RSRC1: variants seen among roughly 807,000 people sequenced by gnomAD.
RSRC1 encodes the protein arginine and serine rich coiled-coil 1.
RSRC1 carries 39 observed loss-of-function variants against 49.1 expected under a neutral mutation model. The ratio of observed to expected loss-of-function variants is 0.79; its 90% CI spans 0.61 to 1.04. The LOEUF (loss-of-function observed/expected upper bound fraction) is 1.04. Among genes scored for constraint, RSRC1 ranks in the 50% least tolerant of loss-of-function variants. The pLI, the probability that RSRC1 is intolerant of heterozygous loss-of-function variation, is 0.00. For missense variants in RSRC1, 388 were observed against 402.4 expected, an observed-to-expected ratio of 0.96 and a Z score of 0.31; for synonymous variants, 143 against 130.8, an observed-to-expected ratio of 1.09 and a Z score of -0.63.
chr3:158,392,702 A>C (rs1733386133), intron 6 of RSRC1, among the ~76,000 whole-genome samples: 1 of 152,096 alleles, frequency 6.6e-6, no homozygotes, highest in African/African-American at 2.4e-5. Flanking sequence ...ATCTACAAAG[A>C]GACTTAGATA....
chr3:158,333,590 T>G (rs1202033251), intron 5 of RSRC1, among the ~76,000 whole-genome samples: 1 of 152,180 alleles, frequency 6.6e-6, no homozygotes, highest in Admixed American at 6.5e-5. Flanking sequence ...GGACAAAACA[T>G]ATTGTAAAAA....
intron 4 of RSRC1, among the ~76,000 whole-genome samples, chr3:158,248,438 TTAA>T (rs556653864): frequency 1.0e-3 from 159 of 152,298 alleles, no homozygotes; most frequent in Non-Finnish European, 1.6e-3. Flanking sequence ...CACTCACCTG[TTAA>T]TAAACAGTTG....
At chr3:158,409,424 T>G (rs1214573883) in intron 6 of RSRC1, among the ~76,000 whole-genome samples, 1 of 152,166 alleles carries the variant, frequency 6.6e-6, no homozygotes, top group Non-Finnish European at 1.5e-5. Context: ...ACATAATGTT[T>G]TGTTATATTT....
intron 5 of RSRC1, among the ~76,000 whole-genome samples, chr3:158,306,317 A>G (rs1727835042): frequency 1.3e-5 from 2 of 151,892 alleles, no homozygotes; most frequent in Admixed American, 1.3e-4. Context: ...CATACTATGT[A>G]TGGTATTTTA....
chr3:158,344,992 G>C (rs80334704), intron 5 of RSRC1, among the ~76,000 whole-genome samples: 1 of 152,244 alleles, frequency 6.6e-6, no homozygotes, highest in African/African-American at 2.4e-5. Context: ...GCCGAGGCTG[G>C]CGGATCGCCT....
At chr3:158,231,694 G>A (rs1722969786) in intron 4 of RSRC1, among the ~76,000 whole-genome samples, 1 of 152,068 alleles carries the variant, frequency 6.6e-6, no homozygotes, top group Admixed American at 6.6e-5. Context: ...GCAACAAGCA[G>A]TAATATATTA....
chr3:158,128,058 A>G (rs1246591280), intron 3 of RSRC1, among the ~76,000 whole-genome samples: 1 of 152,116 alleles, frequency 6.6e-6, no homozygotes, highest in Non-Finnish European at 1.5e-5. Context: ...TGTCTTTGGT[A>G]CTGCTGGCCC....
intron 6 of RSRC1, among the ~76,000 whole-genome samples, chr3:158,414,287 G>C (rs1300285168): frequency 6.6e-6 from 1 of 151,976 alleles, no homozygotes; most frequent in African/African-American, 2.4e-5. Flanking sequence ...ATCCTCAGCA[G>C]ACTAACACAG....
At chr3:158,502,496 C>A (rs978035377) in intron 7 of RSRC1, among the ~76,000 whole-genome samples, 2 of 152,144 alleles carry the variant, frequency 1.3e-5, no homozygotes, top group Non-Finnish European at 2.9e-5. Context: ...CTCAGAAACA[C>A]CAATTATTCT....
At chr3:158,137,493 A>G (rs1716451568) in intron 3 of RSRC1, among the ~76,000 whole-genome samples, 1 of 151,876 alleles carries the variant, frequency 6.6e-6, no homozygotes, top group Non-Finnish European at 1.5e-5. Flanking sequence ...AATCAGTTTT[A>G]AGGCTTTAAA....
At chr3:158,297,888 T>C in intron 4 of RSRC1, 151 bp from the exon 5 acceptor site, 1 of 602,498 alleles carries the variant, frequency 1.7e-6, no homozygotes, top group South Asian at 2.1e-5. Context: ...TCACTTTTGA[T>C]AAAAATTGTT....
At chr3:158,480,671 G>C (rs760574543) in intron 7 of RSRC1, among the ~76,000 whole-genome samples, 7 of 151,850 alleles carry the variant, frequency 4.6e-5, no homozygotes, top group Non-Finnish European at 1.0e-4. Context: ...ATTTTACCTT[G>C]AAAGTGACTA....
At chr3:158,145,777 T>A (rs1227277063) in intron 3 of RSRC1, among the ~76,000 whole-genome samples, 3 of 152,252 alleles carry the variant, frequency 2.0e-5, no homozygotes, top group Non-Finnish European at 2.9e-5. Flanking sequence ...TGGAATGTTC[T>A]TCCATTTGTT....
At chr3:158,431,948 C>G (rs1735789466) in intron 6 of RSRC1, among the ~76,000 whole-genome samples, 1 of 151,942 alleles carries the variant, frequency 6.6e-6, no homozygotes, top group Admixed American at 6.6e-5. Flanking sequence ...ATTGCTTTTT[C>G]ATCATTTCCA....
chr3:158,188,961 A>C (rs1720075076), intron 3 of RSRC1, among the ~76,000 whole-genome samples: 1 of 151,752 alleles, frequency 6.6e-6, no homozygotes, highest in African/African-American at 2.4e-5. Context: ...ATGGCCCTAT[A>C]AATTTTCCTC....
intron 6 of RSRC1, among the ~76,000 whole-genome samples, chr3:158,369,230 A>G (rs1282504219): frequency 6.6e-6 from 1 of 152,004 alleles, no homozygotes; most frequent in Non-Finnish European, 1.5e-5. Flanking sequence ...TTGAGTTTTC[A>G]TTTTCTCATT....
intron 5 of RSRC1, among the ~76,000 whole-genome samples, chr3:158,341,699 G>A (rs538970544): frequency 1.4e-4 from 22 of 152,258 alleles, no homozygotes; most frequent in Admixed American, 5.9e-4. Context: ...CTGCCTAGTA[G>A]ATCTGTGAGA....
chr3:158,205,647 T>C (rs558254640), intron 4 of RSRC1, among the ~76,000 whole-genome samples: 1 of 152,102 alleles, frequency 6.6e-6, no homozygotes, highest in Non-Finnish European at 1.5e-5. Flanking sequence ...CCAGTTAGGA[T>C]GCTTTGGCTG....
intron 7 of RSRC1, among the ~76,000 whole-genome samples, chr3:158,489,340 C>A (rs1286225704): frequency 6.6e-6 from 1 of 152,154 alleles, no homozygotes; most frequent in African/African-American, 2.4e-5. Flanking sequence ...CCAAGTCCAC[C>A]CTTTGTATCC....
Sources: allele counts gnomAD v4.1 joint callset (sites outside exome capture counted in the v4.1 genomes callset), GRCh38; gene constraint gnomAD v4.1.1; transcripts MANE v1.5; gene names NCBI Gene and HGNC (gene_info 2026-07-23, HGNC 2026-07-21).